CHMP3: variants seen among roughly 807,000 people sequenced by gnomAD.
The protein encoded by CHMP3 is 25.1 protein.
CHMP3 carries 8 observed loss-of-function variants against 27.4 expected under a neutral mutation model. The observed-to-expected ratio is 0.29, with a 90% CI of 0.17 to 0.53. The LOEUF (loss-of-function observed/expected upper bound fraction) is 0.53. Among genes scored for constraint, CHMP3 ranks in the 20% least tolerant of loss-of-function variants. The pLI is 0.96. For missense variants in CHMP3, 208 were observed against 271.5 expected, an observed-to-expected ratio of 0.77 and a Z score of 1.64; for synonymous variants, 86 against 85.5, an observed-to-expected ratio of 1.01 and a Z score of -0.03.
intron 3 of CHMP3, among the ~76,000 whole-genome samples, chr2:86,517,250 C>T (rs905558908): frequency 2.9e-4 from 44 of 152,188 alleles, no homozygotes; most frequent in South Asian, 4.1e-4. Flanking sequence ...CAACAACTAA[C>T]GCTGGAAGCA....
At chr2:86,507,377 G>C in intron 5 of CHMP3, 102 bp downstream of exon 5, 2 of 922,922 alleles carry the variant, frequency 2.2e-6, no homozygotes, top group South Asian at 2.9e-5. Context: ...TAAAAATGTA[G>C]AAGGGAGTTA....
chr2:86,533,778 T>TA (rs1553406290), intron 2 of CHMP3, among the ~76,000 whole-genome samples: 1 of 122 alleles, frequency 8.2e-3, no homozygotes, highest in African/African-American at 0.031. Context: ...GTGTTGGGAT[T>TA]AAGCCACCAC....
At chr2:86,551,472 G>T (rs961071945) in intron 1 of CHMP3, among the ~76,000 whole-genome samples, 1 of 152,090 alleles carries the variant, frequency 6.6e-6, no homozygotes, top group African/African-American at 2.4e-5. Flanking sequence ...GGCCAGGCTG[G>T]TCTCAAACAA....
chr2:86,556,866 C>T (rs535619605), intron 1 of CHMP3, among the ~76,000 whole-genome samples: 5 of 152,250 alleles, frequency 3.3e-5, no homozygotes, highest in East Asian at 1.9e-4. Context: ...TTCTTTCATC[C>T]GTCGTTTGGC....
chr2:86,507,297 G>T, intron 5 of CHMP3, 182 bp downstream of exon 5: 1 of 561,908 alleles, frequency 1.8e-6, no homozygotes, highest in South Asian at 2.2e-5. Flanking sequence ...TTTAAGAATT[G>T]TGTTTTTTAA....
rs1007135572 is a variant in CHMP3 at position 86,504,443 on chromosome 2, T to C, written c.*1361A>G. ...TAATTATTTAAAATAATTTTTTAACTACACTCTGAAGATGAAATCAAGAGT... is the reference window on the plus strand; with the variant it reads ...TAATTATTTAAAATAATTTTTTAACCACACTCTGAAGATGAAATCAAGAGT... On this transcript the variant is annotated 3_prime_UTR_variant, in exon 6 of 6. Transcript: ENST00000263856. 1 of 151,596 alleles carries C rather than the reference T, an allele frequency of 6.6e-6. No homozygotes were observed. The highest frequency in any genetic ancestry group is 1.5e-5 in the Non-Finnish European group (1 of 67,912). The allele number at this position is 151,596 out of a possible 1,614,324, so 9.4% of individuals were successfully genotyped here.
intron 2 of CHMP3, chr2:86,541,495 A>C (rs1676358508): frequency 6.6e-6 from 1 of 152,174 alleles, no homozygotes; most frequent in Non-Finnish European, 1.5e-5. Context: ...CTCTGCTTGG[A>C]ATGTCCTTCC....
intron 2 of CHMP3, among the ~76,000 whole-genome samples, chr2:86,537,748 T>C (rs1214345599): frequency 6.6e-6 from 1 of 152,182 alleles, no homozygotes; most frequent in East Asian, 1.9e-4. Flanking sequence ...TACCATTCCC[T>C]GGGCACGCAC....
chr2:86,513,989 C>G (rs889762059), intron 3 of CHMP3, among the ~76,000 whole-genome samples: 1 of 152,232 alleles, frequency 6.6e-6, no homozygotes, highest in African/African-American at 2.4e-5. Flanking sequence ...TGAATGAGAT[C>G]ACATATGTCA....
At chr2:86,533,027 G>A (rs534995080) in intron 2 of CHMP3, among the ~76,000 whole-genome samples, 1 of 152,246 alleles carries the variant, frequency 6.6e-6, no homozygotes, top group South Asian at 2.1e-4. Flanking sequence ...CTGTTTGATA[G>A]AATTTACCAG....
intron 3 of CHMP3, chr2:86,511,094 T>C (rs1675089770): frequency 1.3e-5 from 2 of 152,362 alleles, no homozygotes; most frequent in South Asian, 4.1e-4. Flanking sequence ...TGCCCCACCC[T>C]CAATGTCTTT....
rs747802778 is a variant in CHMP3 at position 86,510,519 on chromosome 2, TG to T, written c.287-41del. 3.9e-5 allele frequency: 63 copies of T among 1,601,306 alleles called. No homozygotes were observed. In the African/African-American group the frequency reaches 7.2e-4, roughly 18 times the overall value. On this transcript the variant is annotated intron_variant, in intron 3 of 5. Transcript: ENST00000263856. ...GTACAGTCAGGATTGTTCAACAGGA[TG>T]GAATAGAGAGAGACAGCCAAATTAT...
At chr2:86,549,863 A>G (rs6739415) in intron 1 of CHMP3, among the ~76,000 whole-genome samples, 90,724 of 138,864 alleles carry the variant, frequency 0.65, 27,925 homozygotes, top group East Asian at 0.79. Flanking sequence ...CAGATGGGGC[A>G]GCCGGGCAGA....
chr2:86,551,279 ATT>A (rs34719408), intron 1 of CHMP3, among the ~76,000 whole-genome samples: 308 of 139,148 alleles, frequency 2.2e-3, no homozygotes, highest in African/African-American at 5.4e-3. Flanking sequence ...ATGAACTCCA[ATT>A]TTTTTTTTTT....
intron 2 of CHMP3, among the ~76,000 whole-genome samples, chr2:86,531,815 G>A (rs1045883427): frequency 6.6e-6 from 1 of 152,130 alleles, no homozygotes; most frequent in African/African-American, 2.4e-5. Flanking sequence ...TATTCCATTC[G>A]TTTATATGTC....
chr2:86,531,334 A>C (rs1305870397), intron 2 of CHMP3, among the ~76,000 whole-genome samples: 1 of 151,978 alleles, frequency 6.6e-6, no homozygotes, highest in Non-Finnish European at 1.5e-5. Context: ...GATGCACAAA[A>C]ATTTTTGATT....
At chr2:86,536,715 T>G (rs2103968636) in intron 2 of CHMP3, among the ~76,000 whole-genome samples, 1 of 152,374 alleles carries the variant, frequency 6.6e-6, no homozygotes, top group East Asian at 1.9e-4. Flanking sequence ...TGGAGTTCAC[T>G]GAACTTCTTG....
chr2:86,527,242 C>T (rs1006588622), intron 3 of CHMP3: 1 of 149,306 alleles, frequency 6.7e-6, no homozygotes, highest in African/African-American at 2.5e-5. Context: ...AACCCCGTCT[C>T]TACCAAAAAA....
intron 1 of CHMP3, among the ~76,000 whole-genome samples, chr2:86,547,680 A>G (rs1017453532): frequency 6.6e-6 from 1 of 152,230 alleles, no homozygotes; most frequent in Admixed American, 6.5e-5. Context: ...AAATGTATCA[A>G]GCAAGTCTCA....
Sources: gnomAD v4.1 joint callset for allele counts (sites outside exome capture counted in the v4.1 genomes callset) on GRCh38, gnomAD v4.1.1 for gene constraint, MANE v1.5 for transcripts, NCBI Gene and HGNC (gene_info 2026-07-23, HGNC 2026-07-21) for gene names.